Variants in E2F3 observed in about 807,000 individuals in gnomAD.
E2F3 encodes transcription factor E2F3.
In E2F3, 11 loss-of-function variants were observed where a neutral mutation model predicts 44.4. The observed-to-expected ratio is 0.25, with a 90% CI of 0.16 to 0.41. The LOEUF is 0.41. Ranked by LOEUF, E2F3 falls within the 10% of genes least tolerant of loss-of-function variation. The pLI, the probability that E2F3 is intolerant of heterozygous loss-of-function variation, is 1.00. For synonymous variants in E2F3, 249 were observed against 253.0 expected (o/e 0.98, Z 0.15); for missense variants, 487 against 583.6 (o/e 0.83, Z 1.70).
At chr6:20,409,377 T>G (rs541203761) in intron 1 of E2F3, among the ~76,000 whole-genome samples, 1 of 152,240 alleles carries the variant, frequency 6.6e-6, no homozygotes, top group African/African-American at 2.4e-5. Context: ...TTTTAAAGAT[T>G]TATTTGATAT....
chr6:20,414,284 G>C (rs572442260), intron 1 of E2F3, among the ~76,000 whole-genome samples: 8 of 152,256 alleles, frequency 5.3e-5, no homozygotes, highest in African/African-American at 1.7e-4. Context: ...GCAGAGACGA[G>C]CCATCAGATG....
chr6:20,417,301 G>C (rs549036462), intron 1 of E2F3, among the ~76,000 whole-genome samples: 1 of 152,256 alleles, frequency 6.6e-6, no homozygotes, highest in South Asian at 2.1e-4. Flanking sequence ...TTTGATAAAT[G>C]CTGGTACAGT....
chr6:20,482,342 GT>G (rs71734781), intron 3 of E2F3, among the ~76,000 whole-genome samples: 25,940 of 130,014 alleles, frequency 0.2, 2,284 homozygotes, highest in Middle Eastern at 0.32. Context: ...TTGTTTTTTT[GT>G]TTTTTTTTTT....
chr6:20,427,621 G>A (rs1760258940), intron 1 of E2F3, among the ~76,000 whole-genome samples: 1 of 152,044 alleles, frequency 6.6e-6, no homozygotes, highest in South Asian at 2.1e-4. Flanking sequence ...TGAATTCTTG[G>A]GGACCTCAGG....
At chr6:20,418,548 C>T (rs567369228) in intron 1 of E2F3, among the ~76,000 whole-genome samples, 18 of 152,222 alleles carry the variant, frequency 1.2e-4, no homozygotes, top group East Asian at 3.9e-4. Context: ...GTTCTAAAGG[C>T]GGACAAACTA....
At chr6:20,455,000 C>T (rs1761262323) in intron 1 of E2F3, among the ~76,000 whole-genome samples, 1 of 152,116 alleles carries the variant, frequency 6.6e-6, no homozygotes. Flanking sequence ...TTTTATTACC[C>T]AGCCGATGAC....
At chr6:20,445,148 G>T in intron 1 of E2F3, 1 of 985,344 alleles carries the variant, frequency 1.0e-6, no homozygotes, top group Non-Finnish European at 1.2e-6. Flanking sequence ...ATCCCTAGTG[G>T]CAGCAGCGCC....
chr6:20,482,607 T>A (rs1187436058), intron 3 of E2F3, among the ~76,000 whole-genome samples, 155 bp from the exon 4 acceptor site: 52 of 145,048 alleles, frequency 3.6e-4, no homozygotes, highest in African/African-American at 1.3e-3. Context: ...AAAATATATA[T>A]ATATATATAT....
intron 1 of E2F3, among the ~76,000 whole-genome samples, chr6:20,478,687 C>T (rs1762125237): frequency 6.6e-6 from 1 of 152,084 alleles, no homozygotes; most frequent in Non-Finnish European, 1.5e-5. Flanking sequence ...CGTGCACCTG[C>T]AGTCCCAGCT....
At chr6:20,465,310 C>T (rs1351504492) in intron 1 of E2F3, among the ~76,000 whole-genome samples, 1 of 152,220 alleles carries the variant, frequency 6.6e-6, no homozygotes, top group Non-Finnish European at 1.5e-5. Flanking sequence ...TTTTAAATTT[C>T]TCCAAACTAG....
chr6:20,485,768 A>T (rs1180619490), intron 4 of E2F3, among the ~76,000 whole-genome samples: 1 of 152,220 alleles, frequency 6.6e-6, no homozygotes, highest in Non-Finnish European at 1.5e-5. Context: ...AGAAATAATG[A>T]CACTCTTTTC....
chr6:20,434,103 C>T (rs542509939), intron 1 of E2F3, among the ~76,000 whole-genome samples: 2 of 152,314 alleles, frequency 1.3e-5, no homozygotes, highest in East Asian at 3.9e-4. Context: ...AAAATCTTTG[C>T]ACAGCTGGTC....
At position 20,490,465 on chromosome 6, in the gene E2F3, A is replaced by T; in HGVS notation, c.*35A>T. 4 of 1,516,042 alleles carry T rather than the reference A, an allele frequency of 2.6e-6. No homozygotes were observed. The highest frequency in any genetic ancestry group is 3.6e-4 in the Middle Eastern group (2 of 5,596). The allele number at this position is 1,516,042 out of a possible 1,614,324, so 93.9% of individuals were successfully genotyped here. ...GTGTGAACTCTCCTTAAAAACCGAT[A>T]TTTTTTTATCATGGAACCAGAACAT... On this transcript the variant is annotated 3_prime_UTR_variant, in exon 7 of 7. Transcript: ENST00000346618. This position sits in a 1 kb window ranked among gnomAD's most constrained non-coding sequence, Gnocchi z 4.3.
At chr6:20,412,425 A>G (rs1185448889) in intron 1 of E2F3, among the ~76,000 whole-genome samples, 1 of 152,018 alleles carries the variant, frequency 6.6e-6, no homozygotes, top group Non-Finnish European at 1.5e-5. Context: ...TGGAAAGGGA[A>G]GATTGGGGAG....
chr6:20,476,039 T>G (rs1047742744), intron 1 of E2F3, among the ~76,000 whole-genome samples: 1 of 152,114 alleles, frequency 6.6e-6, no homozygotes, highest in South Asian at 2.1e-4. Context: ...TTCCATAAGC[T>G]GTCACTGGCA....
At chr6:20,409,704 G>A (rs752496551) in intron 1 of E2F3, among the ~76,000 whole-genome samples, 10 of 152,308 alleles carry the variant, frequency 6.6e-5, no homozygotes, top group Non-Finnish European at 1.2e-4. Context: ...TTTAGCCAAC[G>A]CTAATTTCCT....
chr6:20,448,395 A>G (rs1761017824), intron 1 of E2F3, among the ~76,000 whole-genome samples: 1 of 152,178 alleles, frequency 6.6e-6, no homozygotes, highest in Admixed American at 6.5e-5. Flanking sequence ...ATAATCAGAA[A>G]TGTAACTCTG....
chr6:20,432,666 G>C (rs1760446854), intron 1 of E2F3, among the ~76,000 whole-genome samples: 1 of 152,220 alleles, frequency 6.6e-6, no homozygotes, highest in African/African-American at 2.4e-5. Flanking sequence ...TCTGGAGTAT[G>C]TGAAAATGGG....
chr6:20,460,976 A>G (rs1164963027), intron 1 of E2F3, among the ~76,000 whole-genome samples: 1 of 111,384 alleles, frequency 9.0e-6, no homozygotes, highest in East Asian at 3.1e-4. Flanking sequence ...AGCCTGGGAG[A>G]CAGAGCAAGA....
Sources: gnomAD v4.1 joint callset for allele counts (sites outside exome capture counted in the v4.1 genomes callset) on GRCh38, gnomAD v4.1.1 for gene constraint, Gnocchi (gnomAD v3.1) non-coding constraint, MANE v1.5 for transcripts, NCBI Gene and HGNC (gene_info 2026-07-23, HGNC 2026-07-21) for gene names.